RRM2: variants seen among roughly 807,000 people sequenced by gnomAD.
RRM2 encodes ribonucleoside-diphosphate reductase subunit M2.
A neutral mutation model predicts 45.9 loss-of-function variants in RRM2; 6 were observed. The ratio of observed to expected loss-of-function variants is 0.13; its 90% CI spans 0.07 to 0.26. RRM2 has a LOEUF of 0.26. Ranked by LOEUF, RRM2 falls within the 10% of genes least tolerant of loss-of-function variation. The probability of loss-of-function intolerance (pLI) is 1.00; values close to 1 mark genes in which losing one functional copy is unlikely to be tolerated. For synonymous variants in RRM2, 177 were observed against 173.0 expected, an observed-to-expected ratio of 1.02 and a Z score of -0.18; for missense variants, 343 against 489.5, an observed-to-expected ratio of 0.70 and a Z score of 2.82.
chr2:10,194,596 C>T (rs550267568), intron 3 of RRM2, among the ~76,000 whole-genome samples: 2 of 152,270 alleles, frequency 1.3e-5, no homozygotes, highest in Non-Finnish European at 2.9e-5. Flanking sequence ...CCCCAACCAC[C>T]GGTGGGCCCC....
chr2:10,129,247 A>C lies in RRM2; in HGVS notation c.1031A>C (p.Glu344Ala), dbSNP rs765011415. 6.2e-7 allele frequency: 1 copy of C among 1,613,974 alleles called. No homozygotes were observed. The highest frequency in any genetic ancestry group is 8.5e-7 in the Non-Finnish European group (1 of 1,179,968). Residue 344 changes from glutamate to alanine, a missense_variant, in exon 10 of 10, where the codon GAG becomes GCG. By Grantham distance (107) the Glu-to-Ala change is moderately radical (BLOSUM62 -1). Coordinates refer to ENST00000304567, the MANE Select transcript of RRM2 (RefSeq NM_001034.4). This position sits in a 1 kb window ranked among gnomAD's most constrained non-coding sequence, Gnocchi z 4.8. ...ELGFSKVFRVENPFDFMENIS... is the reference protein window; with the variant it reads ...ELGFSKVFRVANPFDFMENIS... ...GAACCTTTTCAGGTTTTCAGAGTAG[A>C]GAACCCATTTGACTTTATGGAGAAT...
rs1572534126 is a variant in RRM2, at chr2:10,199,800, A to AAAAAAAAAAAAC, written n.483-10502_483-10501insAACAAAAAAAAA. On this transcript the variant is annotated intron_variant and non_coding_transcript_variant, in intron 3 of 3. Transcript: ENST00000381786. ...GTCTCAAAAAAAAAAAAAAAAAAAA[A>AAAAAAAAAAAAC]AAAAAAAAACAAATCATGGTATGAC... Among the ~76,000 whole-genome samples, 39 of 97,888 alleles carry AAAAAAAAAAAAC rather than the reference A, an allele frequency of 4.0e-4. 3 individuals are homozygous for AAAAAAAAAAAAC. The highest frequency in any genetic ancestry group is 5.8e-4 in the Non-Finnish European group (30 of 52,010). The allele number at this position is 97,888 out of a possible 152,430, so 64.2% of individuals were successfully genotyped here. A position where few individuals can be genotyped will look rare whatever the true frequency, so the allele number is the denominator to read the frequency against.
chr2:10,143,325 G>A (rs185553336), intron 3 of RRM2, among the ~76,000 whole-genome samples: 187 of 152,332 alleles, frequency 1.2e-3, no homozygotes, highest in African/African-American at 4.0e-3. Flanking sequence ...CAGACCCAGT[G>A]AGGCCAGATT....
intron 3 of RRM2, among the ~76,000 whole-genome samples, chr2:10,151,154 G>C (rs1663304307): frequency 1.3e-5 from 2 of 152,042 alleles, no homozygotes; most frequent in African/African-American, 4.8e-5. Flanking sequence ...ATATAACAAT[G>C]GTTCATTCCT....
At chr2:10,187,178 T>C (rs577207381) in intron 3 of RRM2, among the ~76,000 whole-genome samples, 64 of 152,304 alleles carry the variant, frequency 4.2e-4, no homozygotes, top group African/African-American at 1.5e-3. Context: ...GCCTCTCCCT[T>C]GTTCCCTGAT....
upstream of RRM2, chr2:10,141,348 TCTCA>T (rs1663075500): frequency 7.8e-6 from 1 of 128,214 alleles, no homozygotes; most frequent in Non-Finnish European, 1.7e-5. Context: ...CACCCCCATG[TCTCA>T]CTCTGAGCCT....
chr2:10,188,361 A>G (rs986523518), intron 3 of RRM2, among the ~76,000 whole-genome samples: 37 of 152,198 alleles, frequency 2.4e-4, no homozygotes, highest in Non-Finnish European at 1.5e-4. Flanking sequence ...CTCAGTTTCT[A>G]GTGGGGCCTC....
At chr2:10,176,789 T>C (rs1004869423) in intron 3 of RRM2, among the ~76,000 whole-genome samples, 3 of 152,240 alleles carry the variant, frequency 2.0e-5, no homozygotes, top group Admixed American at 2.0e-4. Context: ...CCACTGTGGC[T>C]ATTATGAATA....
At chr2:10,155,067 C>T in intron 3 of RRM2, 1 of 200,910 alleles carries the variant, frequency 5.0e-6, no homozygotes, top group Non-Finnish European at 1.0e-5. Context: ...GCTTTATATT[C>T]AAGACCATGT....
At chr2:10,203,931 C>T (rs376483350) in intron 3 of RRM2, among the ~76,000 whole-genome samples, 9 of 151,970 alleles carry the variant, frequency 5.9e-5, no homozygotes, top group South Asian at 2.1e-4. Flanking sequence ...ATGGTGGCTG[C>T]GCCTTTCTCC....
intron 3 of RRM2, among the ~76,000 whole-genome samples, chr2:10,173,134 G>A (rs34050830): frequency 0.32 from 48,026 of 151,930 alleles, 7,853 homozygotes; most frequent in South Asian, 0.5. Flanking sequence ...CCAGTTTTCC[G>A]CATCTGCAAA....
intron 3 of RRM2, among the ~76,000 whole-genome samples, chr2:10,163,817 G>A (rs1166349900): frequency 6.6e-6 from 1 of 152,264 alleles, no homozygotes; most frequent in African/African-American, 2.4e-5. Context: ...GGGCTTCCAA[G>A]TCAGAGTAGT....
At chr2:10,150,890 T>C (rs1282429187) in intron 3 of RRM2, among the ~76,000 whole-genome samples, 1 of 151,254 alleles carries the variant, frequency 6.6e-6, no homozygotes, top group Non-Finnish European at 1.5e-5. Flanking sequence ...CTCGGCTCAC[T>C]GCAACCTCCA....
chr2:10,133,823 G>C (rs762573675), downstream of RRM2, among the ~76,000 whole-genome samples: 1 of 151,880 alleles, frequency 6.6e-6, no homozygotes, highest in Non-Finnish European at 1.5e-5. Context: ...CAAGGTGGTG[G>C]ACTAAGGAAC....
chr2:10,146,178 G>A (rs1340753106), intron 3 of RRM2: 3 of 152,270 alleles, frequency 2.0e-5, no homozygotes, highest in Non-Finnish European at 4.4e-5. Context: ...GCTCAGGGAG[G>A]TTAAGGTGCC....
At chr2:10,177,705 T>TCCCTCCCTC (rs1553326747) in intron 3 of RRM2, among the ~76,000 whole-genome samples, 1 of 113,480 alleles carries the variant, frequency 8.8e-6, no homozygotes, top group African/African-American at 3.6e-5. Flanking sequence ...CTTCCTTCCT[T>TCCCTCCCTC]CCTCTCTCCC....
intron 3 of RRM2, among the ~76,000 whole-genome samples, chr2:10,161,692 A>G (rs1234233020): frequency 6.6e-6 from 1 of 152,094 alleles, no homozygotes; most frequent in Non-Finnish European, 1.5e-5. Flanking sequence ...ACACACACAC[A>G]CACACATTCA....
upstream of RRM2, among the ~76,000 whole-genome samples, chr2:10,136,631 T>C (rs140159885): frequency 3.2e-3 from 489 of 152,230 alleles, 1 homozygote; most frequent in African/African-American, 0.011. Context: ...AAATTAGCCA[T>C]GTGTGGTGGC....
chr2:10,158,198 C>A (rs191673595), intron 3 of RRM2, among the ~76,000 whole-genome samples: 2 of 152,302 alleles, frequency 1.3e-5, no homozygotes, highest in Admixed American at 1.3e-4. Context: ...CTCTTCTGAG[C>A]TCTCCATTTT....
Sources: allele counts gnomAD v4.1 joint callset (sites outside exome capture counted in the v4.1 genomes callset), GRCh38; gene constraint gnomAD v4.1.1; non-coding constraint Gnocchi (gnomAD v3.1); transcripts MANE v1.5; gene names NCBI Gene and HGNC (gene_info 2026-07-23, HGNC 2026-07-21).